Variants in EXD1 observed in about 807,000 individuals in gnomAD.
EXD1 encodes the protein piRNA biogenesis protein EXD1.
Under a neutral mutation model 49.1 loss-of-function variants are expected in EXD1, and 63 were observed. That is an observed-to-expected ratio of 1.28 (90% CI 1.05 to 1.58). The LOEUF is 1.58. EXD1 is among the 40% of genes most tolerant of loss of function. The pLI, the probability that EXD1 is intolerant of heterozygous loss-of-function variation, is 0.00. For missense variants in EXD1, 748 were observed against 666.0 expected, an observed-to-expected ratio of 1.12 and a Z score of -1.36; for synonymous variants, 234 against 239.2, an observed-to-expected ratio of 0.98 and a Z score of 0.20.
At chr15:41,218,486 CAAA>C (rs35305069) in intron 3 of EXD1, among the ~76,000 whole-genome samples, 5 of 79,024 alleles carry the variant, frequency 6.3e-5, no homozygotes, top group Admixed American at 1.5e-4. Context: ...GAATCCGTCT[CAAA>C]AAAAAAAAAA....
Position 41,216,702 on chromosome 15 carries a change from G to A in EXD1, c.354C>T (p.Thr118=), listed in dbSNP as rs761524628. Reference sequence around the variant, plus strand: ...TGTACTTGAGGTCATTCAGCAGAGAGGTAGCTGGTGCTTCAGGGGCAGGAG... The same window carrying A: ...TGTACTTGAGGTCATTCAGCAGAGAAGTAGCTGGTGCTTCAGGGGCAGGAG... The part of the protein sequence containing the change: ...PASPAPEAPA[T]SLLNDLKYSP... Residue 118 remains threonine, a synonymous_variant, in exon 5 of 12, where the codon ACC becomes ACT. Transcript: ENST00000458580. 1.2e-6 allele frequency: 2 copies of A among 1,613,384 alleles called. No homozygotes were observed. The highest frequency in any genetic ancestry group is 2.2e-5 in the South Asian group (2 of 91,052).
chr15:41,189,956 T>C lies in EXD1; in HGVS notation c.1037A>G (p.Asp346Gly), dbSNP rs770417922. The C allele has an allele frequency of 6.2e-7, 1 of 1,614,052 alleles. No homozygotes were observed. The highest frequency in any genetic ancestry group is 1.7e-5 in the Admixed American group (1 of 59,982). ...ACCTACCTCAGTGCCTCCAAGCCGGTCTGCAGACCCTTCGCGATACGTGTT... is the reference window on the plus strand; with the variant it reads ...ACCTACCTCAGTGCCTCCAAGCCGGCCTGCAGACCCTTCGCGATACGTGTT... ...YLNTYREGSA[D>G]RLGGTEPTCM... Residue 346 changes from aspartate (D) to glycine (G), a missense_variant, in exon 11 of 12, where the codon GAC becomes GGC. Physicochemically the swap from Asp to Gly is moderately conservative, Grantham distance 94. Transcript: ENST00000458580.
At chr15:41,209,362 A>G in intron 7 of EXD1, 139 bp downstream of exon 7, 1 of 710,618 alleles carries the variant, frequency 1.4e-6, no homozygotes, top group Admixed American at 2.8e-5. Flanking sequence ...TGCTGCAGTG[A>G]TCTATGATCT....
intron 9 of EXD1, among the ~76,000 whole-genome samples, chr15:41,193,006 G>A (rs1280124948): frequency 1.3e-5 from 2 of 151,840 alleles, no homozygotes; most frequent in Non-Finnish European, 1.5e-5. Context: ...CCGTGCTCTC[G>A]ATCTCCTGAC....
intron 2 of EXD1, among the ~76,000 whole-genome samples, chr15:41,224,153 G>A (rs1180328016): frequency 1.3e-5 from 2 of 152,144 alleles, no homozygotes; most frequent in Non-Finnish European, 2.9e-5. Context: ...GCCCAGGCTG[G>A]TTTCAAACTC....
Position 41,184,585 on chromosome 15 carries a change from A to G in EXD1, c.1065T>C (p.Cys355=). 6.3e-7 allele frequency: 1 copy of G among 1,580,604 alleles called. No homozygotes were observed. Among genetic ancestry groups the G allele is most frequent in the Non-Finnish European group, 8.6e-7 (1 of 1,168,658 alleles). The part of the protein sequence containing the change: ...ADRLGGTEPT[C]MELPEELLQL... ...GAAGCAGTTCCTCTGGCAGCTCCAT[A>G]CATGTAGGCTAAGAAGAGAAAGCGA... is the stretch of plus-strand genomic sequence containing the variant. Residue 355 remains cysteine (C), a synonymous_variant, in exon 12 of 12, where the codon TGT becomes TGC. Transcript: ENST00000458580.
intron 11 of EXD1, among the ~76,000 whole-genome samples, chr15:41,187,893 T>G (rs2046439952): frequency 1.3e-5 from 2 of 151,158 alleles, no homozygotes; most frequent in African/African-American, 2.4e-5. Flanking sequence ...TGCATGCCTG[T>G]AATCCCAGCT....
At chr15:41,215,578 C>A (rs748455240) in intron 6 of EXD1, among the ~76,000 whole-genome samples, 197 bp downstream of exon 6, 2 of 151,576 alleles carry the variant, frequency 1.3e-5, no homozygotes, top group Non-Finnish European at 2.9e-5. Flanking sequence ...CCCAGCTACA[C>A]GGGAGGCTGA....
chr15:41,192,997 C>G (rs1416403195), intron 9 of EXD1, among the ~76,000 whole-genome samples: 1 of 151,700 alleles, frequency 6.6e-6, no homozygotes, highest in Non-Finnish European at 1.5e-5. Context: ...AGGGTTTCAC[C>G]GTGCTCTCGA....
intron 2 of EXD1, among the ~76,000 whole-genome samples, chr15:41,226,111 G>A (rs2047161499): frequency 6.6e-6 from 1 of 151,712 alleles, no homozygotes; most frequent in South Asian, 2.1e-4. Context: ...AATTTGCTGG[G>A]AGTGGTGGCG....
chr15:41,183,967 G>A lies in EXD1; in HGVS notation c.1683C>T (p.Ile561=), dbSNP rs767648292. The A allele has an allele frequency of 8.7e-6, 14 of 1,607,332 alleles. No homozygotes were observed. The highest frequency in any genetic ancestry group is 2.7e-5 in the African/African-American group (2 of 74,626). Residue 561 remains isoleucine (I), a synonymous_variant, in exon 12 of 12, where the codon ATC becomes ATT. Coordinates refer to ENST00000458580, the MANE Select transcript of EXD1 (RefSeq NM_001286441.2). ...TTAGAAAAGGACTTATCCAGGAATC[G>A]ATCTTCTCCAAGGCTGGACAGGGAG... is the stretch of plus-strand genomic sequence containing the variant. ...TLPPCPALEK[I]DSWISPFLNL...
At chr15:41,191,090 G>A (rs1045357798) in intron 10 of EXD1, among the ~76,000 whole-genome samples, 10 of 152,018 alleles carry the variant, frequency 6.6e-5, no homozygotes, top group Admixed American at 6.6e-4. Context: ...ACCATGCCCA[G>A]TTAATTTTTG....
In EXD1 at chr15:41,215,773, AC is replaced by A; in HGVS notation, c.447+1del. 1.9e-6 allele frequency: 3 copies of A among 1,613,768 alleles called. No individual in the cohort carries two copies. Among genetic ancestry groups the A allele is most frequent in the Non-Finnish European group, 2.5e-6 (3 of 1,179,706 alleles). Reference sequence around the variant, plus strand: ...CTAGTAATGATTGAGGACAATACTTACCGCAGCACCAAACTTCTGCTGGAAT... The same window carrying A: ...CTAGTAATGATTGAGGACAATACTTACGCAGCACCAAACTTCTGCTGGAAT... On this transcript the variant is annotated splice_donor_variant, in intron 6 of 11. Coordinates refer to ENST00000458580, the MANE Select transcript of EXD1 (RefSeq NM_001286441.2). LOFTEE classifies it high-confidence loss of function.
intron 2 of EXD1, among the ~76,000 whole-genome samples, chr15:41,223,896 T>C (rs2047125512): frequency 6.6e-6 from 1 of 151,980 alleles, no homozygotes; most frequent in East Asian, 1.9e-4. Flanking sequence ...TAATTAAAAA[T>C]AATTTTTCTA....
Position 41,185,356 on chromosome 15 carries a change from GA to G in EXD1, c.1057-764del, listed in dbSNP as rs1407898730. 1.5e-3 allele frequency among the ~76,000 whole-genome samples: 229 copies of G among 151,066 alleles called. 1 individual carries two copies. The highest frequency in any genetic ancestry group is 5.2e-3 in the African/African-American group (216 of 41,168). On this transcript the variant is annotated intron_variant, in intron 11 of 11. Coordinates refer to ENST00000458580, the MANE Select transcript of EXD1 (RefSeq NM_001286441.2). ...GAAGTTTTTTGTTTTGTTTTGTTTTGATTTTTTTAGACAGGGTCTTGCTCTG... is the reference window on the plus strand; with the variant it reads ...GAAGTTTTTTGTTTTGTTTTGTTTTGTTTTTTTAGACAGGGTCTTGCTCTG...
At chr15:41,219,996 TTA>T in intron 2 of EXD1, 98 bp from the exon 3 acceptor site, 1 of 850,024 alleles carries the variant, frequency 1.2e-6, no homozygotes, top group Non-Finnish European at 1.7e-6. Context: ...TGAGTTGTAT[TTA>T]AAAAAAAAAA....
intron 2 of EXD1, among the ~76,000 whole-genome samples, chr15:41,224,675 C>G (rs1471379461): frequency 6.6e-6 from 1 of 152,086 alleles, no homozygotes; most frequent in Non-Finnish European, 1.5e-5. Flanking sequence ...TAAGGTTGTC[C>G]TGGCTGGGCA....
At chr15:41,199,856 A>G in intron 7 of EXD1, among the ~76,000 whole-genome samples, 1 of 144,226 alleles carries the variant, frequency 6.9e-6, no homozygotes, top group East Asian at 2.0e-4. Context: ...AATATGTCAT[A>G]TATATGATCT....
Position 41,226,507 on chromosome 15 carries a change from G to A in EXD1, c.69C>T (p.Val23=). The A allele has an allele frequency of 6.5e-7, 1 of 1,536,050 alleles. No homozygotes were observed. The highest frequency in any genetic ancestry group is 8.7e-7 in the Non-Finnish European group (1 of 1,146,892). ...GAAGCACACCCTCGAAGACACCACAGACCAATGTGAGTTTCACCCTCTTCC... is the reference window on the plus strand; with the variant it reads ...GAAGCACACCCTCGAAGACACCACAAACCAATGTGAGTTTCACCCTCTTCC... ...ILWKRVKLTL[V]CGVFEGVLQH... The change falls in exon 2 of 12, where the codon GTC becomes GTT. Residue 23 remains valine (V), a synonymous_variant. Transcript: ENST00000458580.
Sources: allele counts gnomAD v4.1 joint callset (sites outside exome capture counted in the v4.1 genomes callset), GRCh38; gene constraint gnomAD v4.1.1; transcripts MANE v1.5; gene names NCBI Gene and HGNC (gene_info 2026-07-23, HGNC 2026-07-21).